WDSUB1: variants seen among roughly 807,000 people sequenced by gnomAD.
The protein encoded by WDSUB1 is WD repeat, SAM and U-box domain-containing protein 1.
Under a neutral mutation model 53.9 loss-of-function variants are expected in WDSUB1, and 49 were observed. That is an observed-to-expected ratio of 0.91 (90% confidence interval 0.72 to 1.15). The LOEUF is 1.15. Ranked by LOEUF, WDSUB1 falls within the 50% of genes most tolerant of loss-of-function variation. WDSUB1 has a pLI of 0.00. For synonymous variants in WDSUB1, 194 were observed against 200.6 expected (o/e 0.97, Z 0.28); for missense variants, 514 against 562.0 (o/e 0.91, Z 0.86).
intron 9 of WDSUB1, among the ~76,000 whole-genome samples, chr2:159,255,338 G>A (rs2061038798): frequency 6.6e-6 from 1 of 151,982 alleles, no homozygotes; most frequent in Non-Finnish European, 1.5e-5. Context: ...ATGGTGGCAG[G>A]CGCCTGTAGT....
chr2:159,283,070 G>C lies in WDSUB1; in HGVS notation c.-1C>G, dbSNP rs151264569. 1 of 1,590,970 alleles carries C rather than the reference G, an allele frequency of 6.3e-7. No individual in the cohort carries two copies. The highest frequency in any genetic ancestry group is 8.6e-7 in the Non-Finnish European group (1 of 1,166,100). On this transcript the variant is annotated 5_prime_UTR_variant, in exon 2 of 11. Transcript: ENST00000359774. The stretch of plus-strand genomic sequence containing the variant: ...CTAATGTGTGAATCAGTTTCACCAT[G>C]TTCTTTATTTGAAGAAAAACAGCCT...
chr2:159,279,202 G>A (rs746129528), intron 3 of WDSUB1, among the ~76,000 whole-genome samples: 21 of 152,164 alleles, frequency 1.4e-4, no homozygotes, highest in Non-Finnish European at 2.8e-4. Flanking sequence ...CACGGAAAAT[G>A]AAAACTCTAA....
intron 8 of WDSUB1, among the ~76,000 whole-genome samples, chr2:159,256,632 T>C (rs1295033752): frequency 6.6e-6 from 1 of 152,068 alleles, no homozygotes; most frequent in Admixed American, 6.6e-5. Context: ...CCACTTTAAC[T>C]TGCTTTTGGA....
chr2:159,273,610 G>A (rs2061484625), intron 4 of WDSUB1, among the ~76,000 whole-genome samples: 1 of 152,014 alleles, frequency 6.6e-6, no homozygotes, highest in Non-Finnish European at 1.5e-5. Flanking sequence ...TGTCAAGACA[G>A]GGTTTCACCA....
At chr2:159,245,072 A>G (rs1312497525) in intron 10 of WDSUB1, among the ~76,000 whole-genome samples, 3 of 152,208 alleles carry the variant, frequency 2.0e-5, no homozygotes. Context: ...GAGCAGTTCA[A>G]CTCCAAACTA....
chr2:159,248,163 AACTT>A (rs1337161284), intron 10 of WDSUB1, among the ~76,000 whole-genome samples: 1 of 151,776 alleles, frequency 6.6e-6, no homozygotes, highest in Non-Finnish European at 1.5e-5. Flanking sequence ...GTTTAAGTAA[AACTT>A]AATCCTTTTG....
At chr2:159,240,388 G>A (rs764135546) in intron 10 of WDSUB1, among the ~76,000 whole-genome samples, 3 of 152,154 alleles carry the variant, frequency 2.0e-5, no homozygotes, top group Non-Finnish European at 4.4e-5. Flanking sequence ...ATAGACTTAG[G>A]AGTGGAATTG....
At position 159,280,708 on chromosome 2, in the gene WDSUB1, A is replaced by AC. The variant is rs1553460571; in HGVS notation, c.399-764_399-763insG. On this transcript the variant is annotated intron_variant, in intron 2 of 10. Coordinates refer to ENST00000359774, the MANE Select transcript of WDSUB1 (RefSeq NM_001128212.3). ...TCCGTCTCAAAAAAAAAAAAAAAAA[A>AC]ATTACCCAGAAGCAATGGCGAGGTC... Among the ~76,000 whole-genome samples, 33 of 134,372 alleles carry AC rather than the reference A, an allele frequency of 2.5e-4. 1 individual carries two copies. Among genetic ancestry groups the AC allele is most frequent in the East Asian group, 1.2e-3 (6 of 4,982 alleles). 88.2% of individuals were successfully genotyped at this position (134,372 alleles called of 152,430 possible).
At chr2:159,283,237 C>A in intron 1 of WDSUB1, 144 bp from the exon 2 acceptor site, 2 of 702,028 alleles carry the variant, frequency 2.8e-6, no homozygotes, top group South Asian at 4.1e-5. Context: ...CCCACCTTTT[C>A]GGCAGCAGGG....
intron 9 of WDSUB1, among the ~76,000 whole-genome samples, chr2:159,252,484 C>A (rs1200733207): frequency 6.6e-6 from 1 of 152,134 alleles, no homozygotes; most frequent in Non-Finnish European, 1.5e-5. Flanking sequence ...GCAAATGAGA[C>A]CCCAGCATGT....
chr2:159,276,250 C>T (rs1021038465), intron 3 of WDSUB1, among the ~76,000 whole-genome samples: 6 of 152,034 alleles, frequency 3.9e-5, no homozygotes, highest in Admixed American at 2.6e-4. Context: ...TTAGTAGAGA[C>T]GGGGTTTCCC....
intron 10 of WDSUB1, among the ~76,000 whole-genome samples, chr2:159,238,283 TTTACTTACAAATTCTATCAA>T (rs2060542236): frequency 1.0e-4 from 4 of 39,402 alleles, no homozygotes; most frequent in African/African-American, 2.3e-4. Flanking sequence ...TATCAAGGAA[TTTACTTACAAATTCTATCAA>T]GGAATTTACT....
chr2:159,282,627 A>G (rs59586856), intron 2 of WDSUB1, 45 bp downstream of exon 2: 5 of 1,562,724 alleles, frequency 3.2e-6, no homozygotes, highest in South Asian at 1.2e-5. Flanking sequence ...TTTTAAGTAC[A>G]CCTAGTCAAC....
chr2:159,250,403 C>T (rs1450147764), intron 9 of WDSUB1, among the ~76,000 whole-genome samples: 1 of 152,108 alleles, frequency 6.6e-6, no homozygotes, highest in East Asian at 1.9e-4. Flanking sequence ...AAAAGATTCC[C>T]TCAAATTCTT....
At chr2:159,275,257 G>C (rs1212018293) in intron 4 of WDSUB1, among the ~76,000 whole-genome samples, 1 of 152,082 alleles carries the variant, frequency 6.6e-6, no homozygotes, top group African/African-American at 2.4e-5. Context: ...AAAATGTAGT[G>C]GTATAAACAG....
intron 10 of WDSUB1, among the ~76,000 whole-genome samples, chr2:159,239,480 G>T (rs1451550628): frequency 6.6e-6 from 1 of 152,110 alleles, no homozygotes; most frequent in Non-Finnish European, 1.5e-5. Context: ...TATAGAAAGG[G>T]TTTTTCCCTT....
At chr2:159,248,826 G>A (rs1416694615) in intron 9 of WDSUB1, among the ~76,000 whole-genome samples, 1 of 152,108 alleles carries the variant, frequency 6.6e-6, no homozygotes, top group Admixed American at 6.5e-5. Context: ...CGCTGGTCTC[G>A]AATTCCTGGG....
chr2:159,237,285 CA>C (rs1159308934), intron 10 of WDSUB1, among the ~76,000 whole-genome samples: 1 of 152,068 alleles, frequency 6.6e-6, no homozygotes, highest in African/African-American at 2.4e-5. Flanking sequence ...TCTGGGAGGC[CA>C]AGGCGGGTGG....
In WDSUB1 at chr2:159,275,526, G is replaced by C. The variant is rs752137503; in HGVS notation, c.676+20C>G. 1 of 1,534,698 alleles carries C rather than the reference G, an allele frequency of 6.5e-7. No individual in the cohort carries two copies. Among genetic ancestry groups the C allele is most frequent in the Admixed American group, 2.2e-5 (1 of 46,210 alleles). On this transcript the variant is annotated intron_variant, in intron 4 of 10. Transcript: ENST00000359774. Reference sequence around the variant, plus strand: ...CCAGACCACAAATAATTTTAGAGAAGCACTATTTGGCATACATACCTAAGA... The same window carrying C: ...CCAGACCACAAATAATTTTAGAGAACCACTATTTGGCATACATACCTAAGA...
Sources: allele counts gnomAD v4.1 joint callset (sites outside exome capture counted in the v4.1 genomes callset), GRCh38; gene constraint gnomAD v4.1.1; transcripts MANE v1.5; gene names NCBI Gene and HGNC (gene_info 2026-07-23, HGNC 2026-07-21).